SBF2: variants seen among roughly 807,000 people sequenced by gnomAD.
SBF2 encodes the protein myotubularin-related protein 13.
A neutral mutation model predicts 225.2 loss-of-function variants in SBF2; 112 were observed. The ratio of observed to expected loss-of-function variants is 0.50; its 90% CI spans 0.43 to 0.58. The LOEUF (loss-of-function observed/expected upper bound fraction) is 0.58. Ranked by LOEUF, SBF2 falls within the 20% of genes least tolerant of loss-of-function variation. The probability of loss-of-function intolerance (pLI) is 0.00; values close to 1 mark genes in which losing one functional copy is unlikely to be tolerated. For missense variants in SBF2, 1,996 were observed against 2,206.2 expected (o/e 0.90, Z 1.91); for synonymous variants, 763 against 773.3 (o/e 0.99, Z 0.22).
intron 17 of SBF2, among the ~76,000 whole-genome samples, chr11:9,881,183 T>C (rs1481082727): frequency 1.3e-5 from 2 of 152,202 alleles, no homozygotes; most frequent in Non-Finnish European, 2.9e-5. Flanking sequence ...AGATAAAATA[T>C]TTAAATGAAC....
chr11:9,814,686 T>C (rs930366571), intron 29 of SBF2, among the ~76,000 whole-genome samples: 1 of 152,210 alleles, frequency 6.6e-6, no homozygotes, highest in African/African-American at 2.4e-5. Context: ...GCGATATACA[T>C]GAGTTCCTTT....
chr11:9,845,503 G>T, intron 24 of SBF2, 62 bp downstream of exon 24: 1 of 1,422,072 alleles, frequency 7.0e-7, no homozygotes, highest in Middle Eastern at 1.8e-4. Flanking sequence ...CAAAGGATAG[G>T]TTACTCCTTT....
chr11:9,844,341 G>A (rs1347395715), intron 24 of SBF2, among the ~76,000 whole-genome samples: 1 of 152,158 alleles, frequency 6.6e-6, no homozygotes, highest in African/African-American at 2.4e-5. Context: ...TTCAGGCAAA[G>A]GAAGGGCCTC....
chr11:10,208,525 T>C (rs1957821792), intron 1 of SBF2, among the ~76,000 whole-genome samples: 2 of 151,830 alleles, frequency 1.3e-5, no homozygotes, highest in Non-Finnish European at 1.5e-5. Flanking sequence ...AAACTAAGTT[T>C]ACAGCAAAGG....
intron 1 of SBF2, among the ~76,000 whole-genome samples, chr11:10,226,809 T>C (rs1437677145): frequency 1.3e-5 from 2 of 152,220 alleles, no homozygotes; most frequent in East Asian, 1.9e-4. Flanking sequence ...TGTGTCTTTA[T>C]AGCAGCATGA....
chr11:9,794,699 A>AAAAAAAAAAAAAAAAAAAAAAAG (rs1564859829), intron 33 of SBF2, among the ~76,000 whole-genome samples: 1 of 147,160 alleles, frequency 6.8e-6, no homozygotes, highest in African/African-American at 2.5e-5. Flanking sequence ...AAAAAAAAAA[A>AAAAAAAAAAAAAAAAAAAAAAAG]AAAAAAAAGA....
chr11:10,207,136 T>C (rs1957777911), intron 1 of SBF2, among the ~76,000 whole-genome samples: 1 of 152,068 alleles, frequency 6.6e-6, no homozygotes. Flanking sequence ...CCAATTCAAA[T>C]GACAGCAAAT....
intron 2 of SBF2, among the ~76,000 whole-genome samples, chr11:10,055,737 T>C (rs1473381721): frequency 6.6e-6 from 1 of 152,172 alleles, no homozygotes; most frequent in Non-Finnish European, 1.5e-5. Context: ...TGCAAGGGCA[T>C]ACAGTGGTAT....
intron 2 of SBF2, among the ~76,000 whole-genome samples, chr11:10,162,303 A>G (rs1955787857): frequency 6.6e-6 from 1 of 152,034 alleles, no homozygotes; most frequent in Non-Finnish European, 1.5e-5. Context: ...GAGGCTGAGG[A>G]TAACTAGTGG....
intron 1 of SBF2, among the ~76,000 whole-genome samples, chr11:10,266,148 A>C (rs1961964138): frequency 6.6e-6 from 1 of 152,166 alleles, no homozygotes; most frequent in Non-Finnish European, 1.5e-5. Flanking sequence ...TTTACAGAGG[A>C]TAAACTCAGC....
At chr11:10,171,234 C>T (rs1332696580) in intron 2 of SBF2, among the ~76,000 whole-genome samples, 2 of 152,120 alleles carry the variant, frequency 1.3e-5, no homozygotes, top group East Asian at 3.9e-4. Context: ...AGAGGAAAGG[C>T]TTTCAGTTTT....
intron 1 of SBF2, among the ~76,000 whole-genome samples, chr11:10,235,084 G>A (rs145446404): frequency 7.2e-4 from 110 of 152,200 alleles, no homozygotes; most frequent in Admixed American, 5.0e-3. Context: ...CCTTCCTTAC[G>A]GTACTTATAA....
In SBF2 at chr11:10,042,919, A is replaced by G; in HGVS notation, c.204T>C (p.Val68=). 6.2e-7 allele frequency: 1 copy of G among 1,614,080 alleles called. No individual in the cohort carries two copies. Among genetic ancestry groups the G allele is most frequent in the Non-Finnish European group, 8.5e-7 (1 of 1,179,914 alleles). The change falls in exon 3 of 40, where the codon GTT becomes GTC. Residue 68 remains valine (V), a synonymous_variant. Transcript: ENST00000256190. ...GATCTGAGTCAATGTCTGTCAGGAC[A>G]ACCACAAAGAACGTTGGCTGCTTCC... The part of the protein sequence containing the change: ...RERKQPTFFV[V]VLTDIDSDRH...
intron 2 of SBF2, among the ~76,000 whole-genome samples, chr11:10,169,115 T>C (rs1051352813): frequency 1.3e-5 from 2 of 152,204 alleles, no homozygotes; most frequent in African/African-American, 4.8e-5. Context: ...CTGATATGCA[T>C]ATAATGCATA....
intron 32 of SBF2, among the ~76,000 whole-genome samples, chr11:9,798,361 A>G (rs1226183846): frequency 3.3e-5 from 5 of 152,080 alleles, no homozygotes; most frequent in Non-Finnish European, 7.4e-5. Flanking sequence ...GCCCCACCCC[A>G]AGGAGCCAGT....
At chr11:10,282,452 CAT>C (rs1433607377) in intron 1 of SBF2, among the ~76,000 whole-genome samples, 1 of 152,056 alleles carries the variant, frequency 6.6e-6, no homozygotes, top group African/African-American at 2.4e-5. Context: ...TCCTGACTCA[CAT>C]GTCTAAACAC....
At chr11:9,942,921 A>AAG (rs1181858870) in intron 16 of SBF2, among the ~76,000 whole-genome samples, 1 of 118,748 alleles carries the variant, frequency 8.4e-6, no homozygotes, top group East Asian at 4.1e-4. Flanking sequence ...GAAAGAAAGA[A>AAG]AGAAAGAAAG....
At chr11:9,930,036 TGC>T (rs1242757325) in intron 16 of SBF2, among the ~76,000 whole-genome samples, 1 of 152,140 alleles carries the variant, frequency 6.6e-6, no homozygotes, top group Non-Finnish European at 1.5e-5. Flanking sequence ...AGCTGATGCA[TGC>T]TGGGCTTAAT....
At chr11:10,175,586 A>T (rs1956427779) in intron 2 of SBF2, among the ~76,000 whole-genome samples, 1 of 151,490 alleles carries the variant, frequency 6.6e-6, no homozygotes, top group Admixed American at 6.6e-5. Context: ...CCCCACTGTC[A>T]ACATTAGACA....
Sources: gnomAD v4.1 joint callset for allele counts (sites outside exome capture counted in the v4.1 genomes callset) on GRCh38, gnomAD v4.1.1 for gene constraint, MANE v1.5 for transcripts, NCBI Gene and HGNC (gene_info 2026-07-23, HGNC 2026-07-21) for gene names.